BORCS5: variants seen among roughly 807,000 people sequenced by gnomAD.
BORCS5 encodes the protein BLOC-1-related complex subunit 5.
In BORCS5, 17 loss-of-function variants were observed where a neutral mutation model predicts 22.1. That is an observed-to-expected ratio of 0.77 (90% CI 0.53 to 1.15). The LOEUF is 1.15. BORCS5 is among the 50% of genes most tolerant of loss of function. BORCS5 has a pLI of 0.00. For missense variants in BORCS5, 247 were observed against 253.2 expected (o/e 0.98, Z 0.17); for synonymous variants, 117 against 99.8 (o/e 1.17, Z -1.03).
intron 3 of BORCS5, chr12:12,452,523 G>A (rs1418081707): frequency 7.4e-6 from 3 of 406,596 alleles, no homozygotes; most frequent in African/African-American, 2.1e-5. Flanking sequence ...GGGGGCCAGG[G>A]TGCGGGCCGG....
chr12:12,404,997 G>A (rs143825851), intron 2 of BORCS5, among the ~76,000 whole-genome samples: 38 of 152,242 alleles, frequency 2.5e-4, no homozygotes, highest in East Asian at 1.5e-3. Context: ...CACCGCGCCC[G>A]GCCAGAGAAC....
chr12:12,390,606 G>C (rs1411902955), intron 2 of BORCS5, among the ~76,000 whole-genome samples: 1 of 148,374 alleles, frequency 6.7e-6, no homozygotes, highest in Non-Finnish European at 1.5e-5. Flanking sequence ...GGTCAACATA[G>C]CAAGACCTTA....
At chr12:12,448,284 C>G (rs1289558874) in intron 3 of BORCS5, among the ~76,000 whole-genome samples, 2 of 152,074 alleles carry the variant, frequency 1.3e-5, no homozygotes, top group Admixed American at 1.3e-4. Context: ...GGTGCAATCT[C>G]GGCTCACTGC....
intron 3 of BORCS5, among the ~76,000 whole-genome samples, chr12:12,440,658 C>T (rs1278993741): frequency 6.7e-6 from 1 of 149,150 alleles, no homozygotes; most frequent in Non-Finnish European, 1.5e-5. Flanking sequence ...GGGGGCATTG[C>T]TGCAGGGGAA....
chr12:12,419,191 G>A (rs111681485), intron 2 of BORCS5, among the ~76,000 whole-genome samples: 2,182 of 152,054 alleles, frequency 0.014, 31 homozygotes, highest in South Asian at 0.028. Context: ...CTATCCCTCC[G>A]CCAGCTCCTC....
intron 3 of BORCS5, among the ~76,000 whole-genome samples, chr12:12,456,085 C>CT (rs1942994345): frequency 1.3e-5 from 2 of 152,260 alleles, no homozygotes; most frequent in East Asian, 1.9e-4. Context: ...AAAATAAGCC[C>CT]TTGTAGTATG....
At chr12:12,438,360 C>CAAAAAAAAAA (rs57737663) in intron 3 of BORCS5, among the ~76,000 whole-genome samples, 16 of 23,792 alleles carry the variant, frequency 6.7e-4, no homozygotes, top group East Asian at 1.9e-3. Flanking sequence ...GATTTCATCT[C>CAAAAAAAAAA]AAAAAAAAAA....
intron 3 of BORCS5, among the ~76,000 whole-genome samples, chr12:12,441,643 C>T (rs533467913): frequency 4.3e-4 from 65 of 151,980 alleles, no homozygotes; most frequent in Non-Finnish European, 7.2e-4. Flanking sequence ...CAGCAGCTGT[C>T]TAAATATTGC....
Position 12,379,566 on chromosome 12 carries a change from A to G in BORCS5, c.202+18217A>G, listed in dbSNP as rs542798729. Among the ~76,000 whole-genome samples, 5 of 151,616 alleles carry G rather than the reference A, an allele frequency of 3.3e-5. 1 individual carries two copies. The highest frequency in any genetic ancestry group is 1.9e-4 in the East Asian group (1 of 5,198). On this transcript the variant is annotated intron_variant, in intron 2 of 3. Coordinates refer to ENST00000314565, the MANE Select transcript of BORCS5 (RefSeq NM_058169.6). Reference sequence around the variant, plus strand: ...GGTCGGATGTCAACAGAAAGAATTTAGAATCTCCTACCCGACAGAGCTTTT... The same window carrying G: ...GGTCGGATGTCAACAGAAAGAATTTGGAATCTCCTACCCGACAGAGCTTTT...
At chr12:12,453,107 A>C (rs1396013177) in intron 3 of BORCS5, among the ~76,000 whole-genome samples, 1 of 152,240 alleles carries the variant, frequency 6.6e-6, no homozygotes, top group Non-Finnish European at 1.5e-5. Context: ...AAGGTGTCAG[A>C]AGCAAAAAAT....
chr12:12,446,163 T>A (rs78507144), intron 3 of BORCS5, among the ~76,000 whole-genome samples: 10,772 of 151,626 alleles, frequency 0.071, 565 homozygotes, highest in East Asian at 0.23. Flanking sequence ...CAGACAAGAA[T>A]CCCTCCTTCA....
intron 1 of BORCS5, among the ~76,000 whole-genome samples, chr12:12,358,974 T>C (rs79186269): frequency 0.015 from 2,244 of 152,344 alleles, 27 homozygotes; most frequent in Non-Finnish European, 0.023. Context: ...ATGGCATCCC[T>C]GGATTAACCT....
chr12:12,368,398 T>G (rs11054854), intron 2 of BORCS5, among the ~76,000 whole-genome samples: 8,338 of 152,116 alleles, frequency 0.055, 324 homozygotes, highest in Admixed American at 0.088. Flanking sequence ...AATGTAGCCA[T>G]TAAGATGATT....
rs1240931637 is a variant in BORCS5, at chr12:12,469,041, A to T, written c.*3265A>T. On this transcript the variant is annotated 3_prime_UTR_variant, in exon 4 of 4. Coordinates refer to ENST00000314565, the MANE Select transcript of BORCS5 (RefSeq NM_058169.6). ...TGAGTTTCAAGGACTCCATACCCTG[A>T]TATAGGAGTACATTCAAGAAATGAG... 1.3e-5 allele frequency: 2 copies of T among 152,174 alleles called. No individual in the cohort carries two copies. Among genetic ancestry groups the T allele is most frequent in the African/African-American group, 4.8e-5 (2 of 41,438 alleles). 9.4% of individuals were successfully genotyped at this position (152,174 alleles called of 1,614,324 possible). A position where few individuals can be genotyped will look rare whatever the true frequency, so the allele number is the denominator to read the frequency against.
At chr12:12,452,739 G>A (rs1290222136) in intron 3 of BORCS5, among the ~76,000 whole-genome samples, 3 of 152,266 alleles carry the variant, frequency 2.0e-5, no homozygotes, top group African/African-American at 7.2e-5. Context: ...GTTGTCCATT[G>A]TGCTAGAGAG....
intron 2 of BORCS5, among the ~76,000 whole-genome samples, chr12:12,425,633 A>G (rs1239609109): frequency 6.6e-5 from 10 of 152,160 alleles, no homozygotes; most frequent in African/African-American, 1.2e-4. Context: ...CTGTTTGTAT[A>G]TCTCCTTTGG....
intron 2 of BORCS5, among the ~76,000 whole-genome samples, chr12:12,409,592 G>C (rs1941673302): frequency 6.6e-6 from 1 of 152,100 alleles, no homozygotes; most frequent in Non-Finnish European, 1.5e-5. Context: ...GTATTCCATG[G>C]TATATATGTG....
intron 3 of BORCS5, among the ~76,000 whole-genome samples, chr12:12,458,243 C>A (rs1943034143): frequency 6.6e-6 from 1 of 152,166 alleles, no homozygotes; most frequent in Admixed American, 6.5e-5. Flanking sequence ...GCTCCTTTGT[C>A]CCAAGAAGGT....
chr12:12,361,080 C>A, intron 1 of BORCS5, 126 bp from the exon 2 acceptor site: 1 of 933,798 alleles, frequency 1.1e-6, no homozygotes. Flanking sequence ...CCCTGCCACC[C>A]CAACCCCAAC....
Sources: gnomAD v4.1 joint callset for allele counts (sites outside exome capture counted in the v4.1 genomes callset) on GRCh38, gnomAD v4.1.1 for gene constraint, MANE v1.5 for transcripts, NCBI Gene and HGNC (gene_info 2026-07-23, HGNC 2026-07-21) for gene names.